MAP2: variants seen among roughly 807,000 people sequenced by gnomAD.
MAP2 encodes the protein microtubule-associated protein 2.
In MAP2, 14 loss-of-function variants were observed where a neutral mutation model predicts 137.6. The ratio of observed to expected loss-of-function variants is 0.10; its 90% CI spans 0.07 to 0.16. The LOEUF (loss-of-function observed/expected upper bound fraction) is 0.16, where lower values mean the gene tolerates loss of function less well. Among genes scored for constraint, MAP2 ranks in the 10% least tolerant of loss-of-function variants. MAP2 has a pLI of 1.00. For missense variants in MAP2, 2,088 were observed against 2,191.5 expected, an observed-to-expected ratio of 0.95 and a Z score of 0.94; for synonymous variants, 786 against 782.3, an observed-to-expected ratio of 1.00 and a Z score of -0.08.
In MAP2 at chr2:209,625,072, A is replaced by G. The variant is rs2153531362; in HGVS notation, c.-87A>G. The G allele has an allele frequency of 6.6e-6, 1 of 152,326 alleles. No homozygotes were observed. Among genetic ancestry groups the G allele is most frequent in the Middle Eastern group, 3.4e-3 (1 of 294 alleles). 9.4% of individuals were successfully genotyped at this position (152,326 alleles called of 1,614,324 possible). On this transcript the variant is annotated 5_prime_UTR_variant, in exon 4 of 16. Coordinates refer to ENST00000682079, the MANE Select transcript of MAP2 (RefSeq NM_001375505.1). ...TAACAGAAAGAAGCCAGAAAATATT[A>G]TCAACCCTTTGAGAACACGACACAA...
chr2:209,577,929 T>G (rs2075607423), intron 2 of MAP2, among the ~76,000 whole-genome samples: 2 of 152,172 alleles, frequency 1.3e-5, no homozygotes, highest in Admixed American at 6.5e-5. Flanking sequence ...AGCACAGATA[T>G]TTGCAAAAGT....
At chr2:209,724,003 A>G (rs1038584352) in intron 13 of MAP2, among the ~76,000 whole-genome samples, 2 of 152,022 alleles carry the variant, frequency 1.3e-5, no homozygotes, top group Non-Finnish European at 2.9e-5. Flanking sequence ...TCTTCAATGT[A>G]TTTTCTCACG....
chr2:209,426,101 A>G (rs537316119), intron 1 of MAP2, among the ~76,000 whole-genome samples: 1 of 152,278 alleles, frequency 6.6e-6, no homozygotes, highest in South Asian at 2.1e-4. Flanking sequence ...GTACATCTGC[A>G]TTCATGATTT....
chr2:209,465,620 A>G (rs1369636943), intron 1 of MAP2, among the ~76,000 whole-genome samples: 1 of 152,180 alleles, frequency 6.6e-6, no homozygotes, highest in African/African-American at 2.4e-5. Flanking sequence ...TATTACAAAG[A>G]CAATAATACT....
In MAP2 at chr2:209,695,447, G is replaced by C; in HGVS notation, c.3277G>C (p.Gly1093Arg). ...KAPQEADAFMGVESGHMKEGT... is the reference protein window; with the variant it reads ...KAPQEADAFMRVESGHMKEGT... ...ACCGCAGGAGGCAGATGCATTTATG[G>C]GTGTTGAGTCTGGCCACATGAAAGA... Residue 1093 changes from glycine (G) to arginine (R), a missense_variant, in exon 8 of 16, where the codon GGT becomes CGT. By Grantham distance (125) the Gly-to-Arg change is moderately radical. This residue lies in a region of MAP2 where 500 missense variants were observed against 482.9 expected (regional missense o/e 1.04). Coordinates refer to ENST00000682079, the MANE Select transcript of MAP2 (RefSeq NM_001375505.1). 1 of 1,613,928 alleles carries C rather than the reference G, an allele frequency of 6.2e-7. No homozygotes were observed. The highest frequency in any genetic ancestry group is 8.5e-7 in the Non-Finnish European group (1 of 1,179,954).
rs2093319391 is a variant in MAP2, at chr2:209,633,753, A to G, written c.-30+8624A>G. 2.6e-5 allele frequency among the ~76,000 whole-genome samples: 4 copies of G among 152,208 alleles called. No homozygotes were observed. In the South Asian group the frequency reaches 8.3e-4, roughly 32 times the overall value. On this transcript the variant is annotated intron_variant, in intron 4 of 15. Transcript: ENST00000682079. ...AGACCATGAAGGGATATATGACAAAATTTTGGAGGAGGCAGGAAAAGATAC... is the reference window on the plus strand; with the variant it reads ...AGACCATGAAGGGATATATGACAAAGTTTTGGAGGAGGCAGGAAAAGATAC...
intron 2 of MAP2, among the ~76,000 whole-genome samples, chr2:209,533,779 GCCA>G (rs1490514045): frequency 6.6e-6 from 1 of 152,202 alleles, no homozygotes; most frequent in Non-Finnish European, 1.5e-5. Flanking sequence ...TCGATGTGAT[GCCA>G]CCCTCAAAGA....
chr2:209,476,622 A>G (rs922528229), intron 1 of MAP2, among the ~76,000 whole-genome samples: 1 of 152,160 alleles, frequency 6.6e-6, no homozygotes, highest in African/African-American at 2.4e-5. Flanking sequence ...TAGAGGTTTT[A>G]TGTCTTGAAA....
intron 14 of MAP2, among the ~76,000 whole-genome samples, chr2:209,729,221 T>C (rs1475855805): frequency 2.0e-5 from 3 of 152,182 alleles, no homozygotes; most frequent in African/African-American, 7.2e-5. Context: ...GTCATATTGG[T>C]CCTATGGCAT....
At chr2:209,436,655 G>GA (rs1696380763) in intron 1 of MAP2, among the ~76,000 whole-genome samples, 1 of 151,702 alleles carries the variant, frequency 6.6e-6, no homozygotes, top group South Asian at 2.1e-4. Flanking sequence ...AAGTCCCATG[G>GA]ATGGAATCTT....
chr2:209,715,199 A>G (rs1288186137), intron 13 of MAP2, among the ~76,000 whole-genome samples: 1 of 152,088 alleles, frequency 6.6e-6, no homozygotes, highest in Non-Finnish European at 1.5e-5. Flanking sequence ...TCTAAAAATT[A>G]AGGTTTTAAA....
intron 2 of MAP2, among the ~76,000 whole-genome samples, chr2:209,526,231 G>A (rs888952588): frequency 6.6e-6 from 1 of 152,036 alleles, no homozygotes; most frequent in Non-Finnish European, 1.5e-5. Flanking sequence ...TCAGCTTGAG[G>A]CAGCTGTGGT....
chr2:209,585,553 T>A (rs1030530158), intron 3 of MAP2, among the ~76,000 whole-genome samples: 6 of 152,168 alleles, frequency 3.9e-5, no homozygotes, highest in African/African-American at 1.4e-4. Flanking sequence ...TAAAATTTCA[T>A]AATCAAAATC....
chr2:209,599,336 T>C (rs2082313216), intron 3 of MAP2, among the ~76,000 whole-genome samples: 1 of 152,084 alleles, frequency 6.6e-6, no homozygotes, highest in South Asian at 2.1e-4. Context: ...TCATTGTAGA[T>C]TCTGGATATT....
At chr2:209,428,933 T>C (rs1693374334) in intron 1 of MAP2, among the ~76,000 whole-genome samples, 1 of 31,012 alleles carries the variant, frequency 3.2e-5, no homozygotes, top group Admixed American at 2.3e-4. Context: ...TTTTATTTAT[T>C]TATTTATTTA....
intron 1 of MAP2, among the ~76,000 whole-genome samples, chr2:209,495,540 A>C (rs894972834): frequency 6.6e-6 from 1 of 152,222 alleles, no homozygotes; most frequent in Non-Finnish European, 1.5e-5. Context: ...ATACCCAGGC[A>C]AAGAGGGTCT....
intron 14 of MAP2, among the ~76,000 whole-genome samples, chr2:209,728,472 A>G (rs1181938894): frequency 6.6e-6 from 1 of 152,232 alleles, no homozygotes; most frequent in African/African-American, 2.4e-5. Flanking sequence ...AACATCATAC[A>G]GTTTCTAAGC....
At chr2:209,588,189 A>G (rs533198145) in intron 3 of MAP2, among the ~76,000 whole-genome samples, 3 of 152,330 alleles carry the variant, frequency 2.0e-5, no homozygotes, top group East Asian at 1.9e-4. Context: ...GGAATTGACT[A>G]TTTGCAGAAT....
At chr2:209,615,603 A>G (rs1335893896) in intron 3 of MAP2, among the ~76,000 whole-genome samples, 1 of 152,214 alleles carries the variant, frequency 6.6e-6, no homozygotes, top group Non-Finnish European at 1.5e-5. Flanking sequence ...ATGACTCTAT[A>G]GGGGAAGTCT....
Sources: allele counts gnomAD v4.1 joint callset (sites outside exome capture counted in the v4.1 genomes callset), GRCh38; gene constraint gnomAD v4.1.1; regional missense constraint gnomAD v4.1.1; transcripts MANE v1.5; gene names NCBI Gene and HGNC (gene_info 2026-07-23, HGNC 2026-07-21).